FRK: variants seen among roughly 807,000 people sequenced by gnomAD.
FRK encodes tyrosine-protein kinase FRK.
A neutral mutation model predicts 56.4 loss-of-function variants in FRK; 51 were observed. That is an observed-to-expected ratio of 0.90 (90% confidence interval 0.72 to 1.14). FRK has a LOEUF of 1.14. Ranked by LOEUF, FRK falls within the 50% of genes most tolerant of loss-of-function variation. FRK has a pLI of 0.00. For missense variants in FRK, 570 were observed against 601.4 expected, an observed-to-expected ratio of 0.95 and a Z score of 0.55; for synonymous variants, 245 against 217.9, an observed-to-expected ratio of 1.12 and a Z score of -1.10.
intron 1 of FRK, among the ~76,000 whole-genome samples, chr6:116,005,365 G>A (rs1368893180): frequency 6.6e-6 from 1 of 152,140 alleles, no homozygotes; most frequent in Non-Finnish European, 1.5e-5. Flanking sequence ...CTCACTCAGG[G>A]AGTTTCTATC....
At chr6:116,086,808 G>C in the FRK span, among the ~76,000 whole-genome samples, 3 of 152,172 alleles carry the variant, frequency 2.0e-5, no homozygotes, top group African/African-American at 7.2e-5. Context: ...TTCATTCAAT[G>C]GATATTATGT....
At position 116,043,033 on chromosome 6, in the gene FRK, C is replaced by A. The variant is rs150252779; in HGVS notation, c.344+16935G>T. Among the ~76,000 whole-genome samples the A allele has an allele frequency of 5.3e-5, 8 of 152,254 alleles. No homozygotes were observed. In the East Asian group the frequency reaches 1.3e-3, roughly 26 times the overall value. ...AAAGGGATCAATGCAACAAGAAAAG[C>A]TAACAATTCTAAATATGTATGCACC... is the stretch of plus-strand genomic sequence containing the variant. On this transcript the variant is annotated intron_variant, in intron 1 of 7. Transcript: ENST00000606080.
chr6:115,944,130 G>T (rs1487265246), intron 6 of FRK, 114 bp downstream of exon 6: 3 of 796,258 alleles, frequency 3.8e-6, no homozygotes, highest in Non-Finnish European at 5.7e-6. Flanking sequence ...GTAGTTTATG[G>T]ACTACAGAAC....
At chr6:116,099,957 G>C in the FRK span, among the ~76,000 whole-genome samples, 1 of 152,220 alleles carries the variant, frequency 6.6e-6, no homozygotes, top group Non-Finnish European at 1.5e-5. Flanking sequence ...ATCAGGAAGA[G>C]AATTAAATGC....
At chr6:115,960,287 C>T (rs990714998) in intron 4 of FRK, among the ~76,000 whole-genome samples, 4 of 150,812 alleles carry the variant, frequency 2.7e-5, no homozygotes, top group South Asian at 2.1e-4. Context: ...GGGTGACGGA[C>T]GCACCTGGAA....
the FRK span, among the ~76,000 whole-genome samples, chr6:116,097,241 T>C: frequency 6.6e-6 from 1 of 152,206 alleles, no homozygotes; most frequent in African/African-American, 2.4e-5. Context: ...TGTCTAATAT[T>C]TAAGTGCCAT....
intron 1 of FRK, among the ~76,000 whole-genome samples, chr6:116,032,884 G>C (rs1776349403): frequency 6.6e-6 from 1 of 151,796 alleles, no homozygotes; most frequent in Admixed American, 6.6e-5. Context: ...ATAAATAATG[G>C]AATTCATGCC....
chr6:116,040,237 T>C (rs1776663035), intron 1 of FRK, among the ~76,000 whole-genome samples: 1 of 152,172 alleles, frequency 6.6e-6, no homozygotes, highest in Non-Finnish European at 1.5e-5. Context: ...AATGACTTTA[T>C]GTAAAGAAGG....
intron 1 of FRK, among the ~76,000 whole-genome samples, chr6:116,008,711 A>T (rs1452615253): frequency 1.3e-5 from 2 of 152,166 alleles, no homozygotes; most frequent in East Asian, 3.8e-4. Context: ...CTGGAAGGGC[A>T]CACACCCCAG....
the FRK span, among the ~76,000 whole-genome samples, chr6:116,087,196 A>G: frequency 1.3e-5 from 2 of 152,240 alleles, no homozygotes; most frequent in Non-Finnish European, 2.9e-5. Context: ...TAGGCAAGGT[A>G]CTTACTTTGT....
intron 1 of FRK, among the ~76,000 whole-genome samples, chr6:116,008,363 A>G (rs920510877): frequency 3.3e-5 from 5 of 152,234 alleles, no homozygotes; most frequent in African/African-American, 1.2e-4. Flanking sequence ...AATCCATAGT[A>G]ACAATGAAAT....
At chr6:115,951,375 T>A (rs1723211403) in intron 5 of FRK, among the ~76,000 whole-genome samples, 1 of 152,160 alleles carries the variant, frequency 6.6e-6, no homozygotes. Context: ...GTATTGCAAT[T>A]ATTCTTCCCC....
At chr6:116,054,820 A>T (rs934592171) in intron 1 of FRK, among the ~76,000 whole-genome samples, 1 of 151,916 alleles carries the variant, frequency 6.6e-6, no homozygotes, top group Admixed American at 6.6e-5. Flanking sequence ...AATAATTCAA[A>T]CTTCTCAAAG....
intron 1 of FRK, among the ~76,000 whole-genome samples, chr6:116,030,293 T>A (rs1336943736): frequency 6.6e-6 from 1 of 152,128 alleles, no homozygotes; most frequent in African/African-American, 2.4e-5. Flanking sequence ...CTTGGTCCAG[T>A]GTGCCTGACC....
At chr6:116,063,018 A>T (rs368120221), upstream of FRK, among the ~76,000 whole-genome samples, 304 of 152,300 alleles carry the variant, frequency 2.0e-3, no homozygotes, top group African/African-American at 6.9e-3. Flanking sequence ...TCTCTGGCTC[A>T]TCTTGCACAC....
the FRK span, among the ~76,000 whole-genome samples, chr6:116,085,866 T>C: frequency 6.6e-6 from 1 of 152,184 alleles, no homozygotes; most frequent in Non-Finnish European, 1.5e-5. Flanking sequence ...AATGGACATG[T>C]TTTTGTTTAT....
In FRK at chr6:115,938,504, G is replaced by GA. The variant is rs1315902920; in HGVS notation, c.*3909dup. The GA allele has an allele frequency of 6.6e-6, 1 of 152,066 alleles. No individual in the cohort carries two copies. The highest frequency in any genetic ancestry group is 2.4e-5 in the African/African-American group (1 of 41,422). The allele number at this position is 152,066 out of a possible 1,614,324, so 9.4% of individuals were successfully genotyped here. A position where few individuals can be genotyped will look rare whatever the true frequency, so the allele number is the denominator to read the frequency against. On this transcript the variant is annotated 3_prime_UTR_variant, in exon 8 of 8. Transcript: ENST00000606080. ...ACAGAACTGAAGGTGATAGAGACAT[G>GA]AAAAACCTTTCAAAAAATCAATGAA... is the stretch of plus-strand genomic sequence containing the variant.
chr6:116,095,597 AC>A, the FRK span, among the ~76,000 whole-genome samples: 2 of 152,162 alleles, frequency 1.3e-5, no homozygotes, highest in Non-Finnish European at 2.9e-5. Context: ...TGCAACTAAT[AC>A]CCCTACTTAT....
rs983154264 is a variant in FRK at position 115,932,825 on chromosome 6, G to A, written c.*9589C>T. On this transcript the variant is annotated 3_prime_UTR_variant, in exon 8 of 8. Transcript: ENST00000606080. The stretch of plus-strand genomic sequence containing the variant: ...GTTTCCTTTAGGCCTCCACAGAGTC[G>A]GAAGAGTTTGGGCCCCTCCTGGTTC... The A allele has an allele frequency of 1.3e-5, 2 of 152,190 alleles. No individual in the cohort carries two copies. Among genetic ancestry groups the A allele is most frequent in the Admixed American group, 6.5e-5 (1 of 15,280 alleles). The allele number at this position is 152,190 out of a possible 1,614,324, so 9.4% of individuals were successfully genotyped here.
Sources: gnomAD v4.1 joint callset for allele counts (sites outside exome capture counted in the v4.1 genomes callset) on GRCh38, gnomAD v4.1.1 for gene constraint, MANE v1.5 for transcripts, NCBI Gene and HGNC (gene_info 2026-07-23, HGNC 2026-07-21) for gene names.